The following TTN variants were observed in gnomAD, a reference collection of about 807,000 sequenced individuals.
TTN encodes titin, also known as connectin.
TTN carries 1,525 observed loss-of-function variants against 3,223.0 expected under a neutral mutation model. That is an observed-to-expected ratio of 0.47 (90% confidence interval 0.45 to 0.49). The LOEUF (loss-of-function observed/expected upper bound fraction) is 0.49, where lower values mean the gene tolerates loss of function less well. TTN is among the 20% of genes least tolerant of loss of function. The pLI is 0.00. For synonymous variants in TTN, 14,094 were observed against 15,161.0 expected (o/e 0.93, Z 5.17); for missense variants, 40,786 against 43,424.0 (o/e 0.94, Z 5.40).
chr2:178,569,612 G>A lies in TTN; in HGVS notation c.76520C>T (p.Ala25507Val). Reference sequence around the variant, plus strand: ...TTCTAGGTCAAGATCAATGTCTGGTGCTTCTAATTTTTCTTCAACTATAAT... The same window carrying A: ...TTCTAGGTCAAGATCAATGTCTGGTACTTCTAATTTTTCTTCAACTATAAT... ...GPIIVEEKLE[A>V]PDIDLDLELR... Residue 25507 changes from alanine (A) to valine (V), a missense_variant, in exon 326 of 363, where the codon GCA becomes GTA. Ala to Val is a moderately conservative substitution (Grantham distance 64). Coordinates refer to ENST00000589042, the MANE Select transcript of TTN (RefSeq NM_001267550.2). The A allele has an allele frequency of 6.2e-7, 1 of 1,612,138 alleles. No individual in the cohort carries two copies. The highest frequency in any genetic ancestry group is 8.5e-7 in the Non-Finnish European group (1 of 1,179,110).
chr2:178,758,018 G>A (rs1215208194), intron 44 of TTN, 102 bp from the exon 45 acceptor site: 3 of 1,268,238 alleles, frequency 2.4e-6, no homozygotes, highest in Non-Finnish European at 3.2e-6. Flanking sequence ...TAATGGACTA[G>A]AATTCAGTCC....
At chr2:178,736,108 T>A (rs748799469) in intron 49 of TTN, 34 bp from the exon 50 acceptor site, 1 of 1,517,114 alleles carries the variant, frequency 6.6e-7, no homozygotes, top group South Asian at 1.3e-5. Context: ...TTACATTTAG[T>A]CCCCACCAAA....
Position 178,632,635 on chromosome 2 carries a change from C to CT in TTN, c.43370dup (p.Asp14458GlyfsTer4). On this transcript the variant is annotated frameshift_variant, in exon 235 of 363. Transcript: ENST00000589042. LOFTEE classifies it high-confidence loss of function. ...TCACCATTGAATGCTTAGTGCCATCCTTTATAAGCTCAAATCTGTCATCAC... is the reference window on the plus strand; with the variant it reads ...TCACCATTGAATGCTTAGTGCCATCCTTTTATAAGCTCAAATCTGTCATCAC... The CT allele has an allele frequency of 6.2e-7, 1 of 1,613,476 alleles. No homozygotes were observed.
At chr2:178,677,310 G>A (rs1374342036) in intron 146 of TTN, 23 bp from the exon 147 acceptor site, 3 of 1,062,818 alleles carry the variant, frequency 2.8e-6, no homozygotes, top group African/African-American at 2.5e-5. Context: ...TCATTTGAAG[G>A]CATTAAAAAC....
intron 112 of TTN, 24 bp downstream of exon 112, chr2:178,698,819 C>T (rs1300477237): frequency 6.5e-7 from 1 of 1,532,186 alleles, no homozygotes; most frequent in East Asian, 2.5e-5. Flanking sequence ...AGTGTTAAGA[C>T]TGCTTTTTGA....
chr2:178,664,228 T>C (rs767047870), intron 168 of TTN, 130 bp from the exon 169 acceptor site: 259 of 958,514 alleles, frequency 2.7e-4, no homozygotes, highest in East Asian at 5.2e-4. Context: ...GTTCCCATAA[T>C]AGGTGGTGTT....
chr2:178,678,392 T>G (rs1375627931), intron 144 of TTN, 22 bp downstream of exon 144: 1 of 1,569,136 alleles, frequency 6.4e-7, no homozygotes, highest in Non-Finnish European at 8.6e-7. Context: ...CCCCAAGTAC[T>G]CTAAGTGATG....
intron 71 of TTN, chr2:178,725,134 T>G (rs1449566928): frequency 1.0e-5 from 4 of 398,798 alleles, no homozygotes; most frequent in Non-Finnish European, 1.7e-5. Context: ...TTGTATCTGC[T>G]AATTGATATA....
At chr2:178,665,884 A>G in intron 163 of TTN, 93 bp from the exon 164 acceptor site, 2 of 516,054 alleles carry the variant, frequency 3.9e-6, no homozygotes, top group Non-Finnish European at 6.0e-6. Context: ...CCAGATGGGA[A>G]CCTTCTCCCA....
At position 178,561,534 on chromosome 2, in the gene TTN, G is replaced by C; in HGVS notation, c.84598C>G (p.Leu28200Val). 1 of 1,613,326 alleles carries C rather than the reference G, an allele frequency of 6.2e-7. No individual in the cohort carries two copies. The highest frequency in any genetic ancestry group is 8.5e-7 in the Non-Finnish European group (1 of 1,179,538). The change falls in exon 326 of 363, where the codon CTT (leucine) becomes GTT (valine). Residue 28200 changes from leucine to valine, a missense_variant. By Grantham distance (32) the Leu-to-Val change is conservative. Transcript: ENST00000589042. Reference sequence around the variant, plus strand: ...AGGATTTTATTTGCTTTTGACCAAAGAATGCTGCTTCTTTCTTTATACTCA... The same window carrying C: ...AGGATTTTATTTGCTTTTGACCAAACAATGCTGCTTCTTTCTTTATACTCA... The part of the protein sequence containing the change: ...HLEYKERSSI[L>V]WSKANKILIA...
At chr2:178,672,508 G>C (rs1379573570) in intron 153 of TTN, 27 bp from the exon 154 acceptor site, 3 of 1,603,110 alleles carry the variant, frequency 1.9e-6, no homozygotes, top group South Asian at 1.1e-5. Flanking sequence ...TTAATATTTA[G>C]GACTGTCGAG....
At chr2:178,631,427 A>G in intron 236 of TTN, 127 bp from the exon 237 acceptor site, 1 of 1,031,542 alleles carries the variant, frequency 9.7e-7, no homozygotes, top group Admixed American at 3.0e-5. Flanking sequence ...GTGTTCAATC[A>G]TTTAACCTGT....
Position 178,793,394 on chromosome 2 carries a change from C to T in TTN, c.1536+10G>A. ...ACCTCAGTGAATTTAAAATACAAAC[C>T]CATTTTCACCTGCTCATGAGTTACG... On this transcript the variant is annotated intron_variant, in intron 9 of 362. Transcript: ENST00000589042. 6.2e-7 allele frequency: 1 copy of T among 1,613,700 alleles called. No homozygotes were observed. Among genetic ancestry groups the T allele is most frequent in the Middle Eastern group, 1.7e-4 (1 of 6,060 alleles).
At position 178,632,487 on chromosome 2, in the gene TTN, A is replaced by C; in HGVS notation, c.43480+39T>G. On this transcript the variant is annotated intron_variant, in intron 235 of 362. Transcript: ENST00000589042. The stretch of plus-strand genomic sequence containing the variant: ...AGAAATATAAAACTAAAGGCAAAAA[A>C]AATGATTTTGGGGTGGACTATTTGA... 2.5e-6 allele frequency: 4 copies of C among 1,591,824 alleles called. No homozygotes were observed. The South Asian group carries it at 4.7e-5, about 19-fold the overall frequency.
rs977747383 is a variant in TTN, at chr2:178,637,174, T to G, written c.40927+195A>C. On this transcript the variant is annotated intron_variant, in intron 224 of 362. Coordinates refer to ENST00000589042, the MANE Select transcript of TTN (RefSeq NM_001267550.2). The stretch of plus-strand genomic sequence containing the variant: ...ATATATATATATATATATATATATA[T>G]ATATATATATATATATCTCCTTGCA... 8.5e-5 allele frequency among the ~76,000 whole-genome samples: 11 copies of G among 129,780 alleles called. 1 individual carries two copies. The highest frequency in any genetic ancestry group is 1.8e-4 in the Non-Finnish European group (11 of 62,162). 85.1% of individuals were successfully genotyped at this position (129,780 alleles called of 152,430 possible).
Position 178,591,370 on chromosome 2 carries a change from TCTCA to T in TTN, c.60351_60354del (p.Ser20117ArgfsTer25). The T allele has an allele frequency of 6.2e-7, 1 of 1,613,360 alleles. No homozygotes were observed. Among genetic ancestry groups the T allele is most frequent in the Non-Finnish European group, 8.5e-7 (1 of 1,179,512 alleles). On this transcript the variant is annotated frameshift_variant, in exon 304 of 363. Coordinates refer to ENST00000589042, the MANE Select transcript of TTN (RefSeq NM_001267550.2). LOFTEE classifies it high-confidence loss of function. ...ACTGTGTAGTGCTCATCGGTTTTAA[TCTCA>T]CTCCCATCGGTTGTCCACTTTGCAG...
chr2:178,572,494 A>C lies in TTN; in HGVS notation c.73638T>G (p.Asp24546Glu). ...VTLTWDPPLL[D>E]GGSKIKNYIV... is the part of the protein sequence containing the mutation. ...TATAGTTCTTGATTTTTGAACCTCC[A>C]TCAAGGAGAGGTGGGTCCCATGTGA... The change falls in exon 326 of 363, where the codon GAT (aspartate) becomes GAG (glutamate). Residue 24546 changes from aspartate to glutamate, a missense_variant. Asp to Glu is a conservative substitution (Grantham distance 45). Coordinates refer to ENST00000589042, the MANE Select transcript of TTN (RefSeq NM_001267550.2). 6.2e-7 allele frequency: 1 copy of C among 1,613,310 alleles called. No individual in the cohort carries two copies. Among genetic ancestry groups the C allele is most frequent in the Non-Finnish European group, 8.5e-7 (1 of 1,179,566 alleles).
At position 178,607,971 on chromosome 2, in the gene TTN, C is replaced by T. The variant is rs2055325123; in HGVS notation, c.52816G>A (p.Val17606Ile). 6.2e-7 allele frequency: 1 copy of T among 1,612,948 alleles called. No individual in the cohort carries two copies. Residue 17606 changes from valine to isoleucine, a missense_variant, in exon 276 of 363, where the codon GTT becomes ATT. Val to Ile is a conservative substitution (Grantham distance 29). Transcript: ENST00000589042. ...NGGGEIVGYF[V>I]DKQLVGTNEW... is the part of the protein sequence containing the mutation. ...TTTGTGCCAACCAACTGCTTATCAA[C>T]AAAATAGCCAACAATTTCCCCACCA...
Position 178,598,581 on chromosome 2 carries a change from T to G in TTN, c.57036A>C (p.Pro19012=). The change falls in exon 292 of 363, where the codon CCA becomes CCC. Residue 19012 remains proline (P), a synonymous_variant. Coordinates refer to ENST00000589042, the MANE Select transcript of TTN (RefSeq NM_001267550.2). ...TTACTTTGGATCCACCATCTTTTAG[T>G]GGGGGAGACCACTCCAGATCTGCAG... The part of the protein sequence containing the change: ...KSSADLEWSP[P]LKDGGSKVTG... 6.2e-7 allele frequency: 1 copy of G among 1,608,682 alleles called. No homozygotes were observed. Among genetic ancestry groups the G allele is most frequent in the Non-Finnish European group, 8.5e-7 (1 of 1,178,632 alleles).
Sources: gnomAD v4.1 joint callset for allele counts (sites outside exome capture counted in the v4.1 genomes callset) on GRCh38, gnomAD v4.1.1 for gene constraint, MANE v1.5 for transcripts, NCBI Gene and HGNC (gene_info 2026-07-23, HGNC 2026-07-21) for gene names.